NR1I2: variants seen among roughly 807,000 people sequenced by gnomAD.
NR1I2 encodes the protein nuclear receptor subfamily 1 group I member 2, also known as orphan nuclear receptor PAR1.
Under a neutral mutation model 43.3 loss-of-function variants are expected in NR1I2, and 42 were observed. The observed-to-expected ratio is 0.97, with a 90% CI of 0.76 to 1.26. The LOEUF is 1.26. NR1I2 is among the 50% of genes most tolerant of loss of function. The pLI, the probability that NR1I2 is intolerant of heterozygous loss-of-function variation, is 0.00. For synonymous variants in NR1I2, 229 were observed against 215.0 expected, an observed-to-expected ratio of 1.06 and a Z score of -0.57; for missense variants, 559 against 566.7, an observed-to-expected ratio of 0.99 and a Z score of 0.14.
rs1063955 is a variant in NR1I2, at chr3:119,807,284, G to A, written c.34G>A (p.Ala12Thr). Reference sequence around the variant, plus strand: ...GAGACCCAAAGAAAGCTGGAACCATGCTGACTTTGTACACTGTGAGGACAC... The same window carrying A: ...GAGACCCAAAGAAAGCTGGAACCATACTGACTTTGTACACTGTGAGGACAC... The change falls in exon 2 of 9, where the codon GCT (alanine) becomes ACT (threonine). Residue 12 changes from alanine to threonine, a missense_variant. Transcript: ENST00000393716. 6.2e-7 allele frequency: 1 copy of A among 1,614,088 alleles called. No homozygotes were observed. Among genetic ancestry groups the A allele is most frequent in the Non-Finnish European group, 8.5e-7 (1 of 1,180,046 alleles).
intron 1 of NR1I2, among the ~76,000 whole-genome samples, chr3:119,806,305 G>A (rs941996382): frequency 6.6e-6 from 1 of 152,058 alleles, no homozygotes; most frequent in Non-Finnish European, 1.5e-5. Flanking sequence ...TTCTTTTAGA[G>A]ATGAGGTCTC....
intron 1 of NR1I2, among the ~76,000 whole-genome samples, chr3:119,805,913 T>C (rs2055153217): frequency 6.6e-6 from 1 of 152,116 alleles, no homozygotes; most frequent in African/African-American, 2.4e-5. Flanking sequence ...TTTTCCCCTG[T>C]GCCTGTTCAG....
chr3:119,805,617 C>T (rs986201858), intron 1 of NR1I2, among the ~76,000 whole-genome samples: 3 of 151,282 alleles, frequency 2.0e-5, no homozygotes, highest in Admixed American at 6.6e-5. Context: ...GCAGGAGAAT[C>T]GCTTGAGCCC....
At chr3:119,798,286 T>C (rs905692907) in intron 1 of NR1I2, among the ~76,000 whole-genome samples, 4 of 152,310 alleles carry the variant, frequency 2.6e-5, no homozygotes, top group Middle Eastern at 3.4e-3. Context: ...TCACTGTCTG[T>C]TGCTGATTCA....
At chr3:119,816,295 G>A (rs2055327312) in intron 8 of NR1I2, among the ~76,000 whole-genome samples, 1 of 152,130 alleles carries the variant, frequency 6.6e-6, no homozygotes, top group South Asian at 2.1e-4. Context: ...GCAGGAGGCT[G>A]GAAGTGCCAA....
At position 119,817,551 on chromosome 3, in the gene NR1I2, A is replaced by G; in HGVS notation, c.*339A>G. On this transcript the variant is annotated 3_prime_UTR_variant, in exon 9 of 9. Transcript: ENST00000393716. Reference sequence around the variant, plus strand: ...ATCCCTCAGATCCCACTAAAGTGTCAAGGTGTGGAAGGGACCAAGCGACCA... The same window carrying G: ...ATCCCTCAGATCCCACTAAAGTGTCGAGGTGTGGAAGGGACCAAGCGACCA... The G allele has an allele frequency of 8.3e-7, 1 of 1,202,756 alleles. No individual in the cohort carries two copies. The highest frequency in any genetic ancestry group is 1.7e-5 in the South Asian group (1 of 58,672). The allele number at this position is 1,202,756 out of a possible 1,614,324, so 74.5% of individuals were successfully genotyped here.
intron 1 of NR1I2, among the ~76,000 whole-genome samples, chr3:119,805,717 C>CCCAAA (rs561350711): frequency 1.3e-4 from 13 of 96,616 alleles, no homozygotes; most frequent in Non-Finnish European, 1.6e-4. Flanking sequence ...TCCCCCCCAC[C>CCCAAA]AAAAAAAAAA....
intron 8 of NR1I2, 134 bp from the exon 9 acceptor site, chr3:119,816,934 G>A (rs1260735675): frequency 2.3e-5 from 26 of 1,147,480 alleles, no homozygotes; most frequent in South Asian, 3.9e-5. Context: ...AGAAGCTTAC[G>A]GAATTCAGCC....
At chr3:119,814,795 G>A (rs745355481) in intron 5 of NR1I2, among the ~76,000 whole-genome samples, 184 bp from the exon 6 acceptor site, 1 of 152,168 alleles carries the variant, frequency 6.6e-6, no homozygotes, top group African/African-American at 2.4e-5. Context: ...GGGCAGAGCT[G>A]TCTGCTGGGT....
chr3:119,787,542 A>G (rs1245204630), intron 1 of NR1I2, among the ~76,000 whole-genome samples: 1 of 152,078 alleles, frequency 6.6e-6, no homozygotes, highest in Non-Finnish European at 1.5e-5. Flanking sequence ...TCACTGAACA[A>G]CGTCAATGGT....
In NR1I2 at chr3:119,810,214, G is replaced by C. The variant is rs2055219921; in HGVS notation, c.331+20G>C. On this transcript the variant is annotated intron_variant, in intron 3 of 8. Coordinates refer to ENST00000393716, the MANE Select transcript of NR1I2 (RefSeq NM_003889.4). ...AGGAGAGTGAGCAGTGGGCGCGCGGGCGGGCCGGCGCCGGGGTGCACGGCT... is the reference window on the plus strand; with the variant it reads ...AGGAGAGTGAGCAGTGGGCGCGCGGCCGGGCCGGCGCCGGGGTGCACGGCT... 1 of 1,577,562 alleles carries C rather than the reference G, an allele frequency of 6.3e-7. No individual in the cohort carries two copies. The highest frequency in any genetic ancestry group is 1.4e-5 in the African/African-American group (1 of 73,936).
At chr3:119,798,744 C>T (rs1361353867) in intron 1 of NR1I2, among the ~76,000 whole-genome samples, 1 of 152,156 alleles carries the variant, frequency 6.6e-6, no homozygotes, top group Non-Finnish European at 1.5e-5. Context: ...AATCTACTTT[C>T]TCTATGGATT....
intron 1 of NR1I2, among the ~76,000 whole-genome samples, chr3:119,803,190 A>C (rs2055103791): frequency 6.6e-6 from 1 of 150,704 alleles, no homozygotes. Context: ...AAAAAAAAGT[A>C]GCTGGGTATG....
chr3:119,811,774 C>T (rs1457119384), intron 4 of NR1I2, 48 bp downstream of exon 4: 1 of 1,527,626 alleles, frequency 6.5e-7, no homozygotes. Flanking sequence ...CATCTTCATT[C>T]TCACATAGAA....
At chr3:119,788,591 C>T (rs939918108) in intron 1 of NR1I2, among the ~76,000 whole-genome samples, 2 of 152,020 alleles carry the variant, frequency 1.3e-5, no homozygotes, top group African/African-American at 4.8e-5. Context: ...GCACATGTCA[C>T]CACACTTGGC....
At chr3:119,787,420 G>A (rs1389171015) in intron 1 of NR1I2, among the ~76,000 whole-genome samples, 2 of 152,086 alleles carry the variant, frequency 1.3e-5, no homozygotes, top group African/African-American at 2.4e-5. Context: ...CTTGGGATAA[G>A]CCCTGCCCTG....
chr3:119,803,508 G>C (rs889462020), intron 1 of NR1I2, among the ~76,000 whole-genome samples: 5 of 152,008 alleles, frequency 3.3e-5, no homozygotes, highest in African/African-American at 1.2e-4. Flanking sequence ...CTTAATCTTG[G>C]ACTTCTCAGC....
intron 3 of NR1I2, chr3:119,810,644 T>A (rs530310557): frequency 5.5e-6 from 1 of 182,766 alleles, no homozygotes; most frequent in Admixed American, 5.4e-5. Flanking sequence ...ATAGGGGAAC[T>A]GTTTGCAGAC....
intron 3 of NR1I2, chr3:119,810,439 A>G: frequency 1.7e-6 from 1 of 584,926 alleles, no homozygotes; most frequent in Admixed American, 3.1e-5. Flanking sequence ...AGCCCTGGAC[A>G]GGGCGTGCCC....
Sources: allele counts gnomAD v4.1 joint callset (sites outside exome capture counted in the v4.1 genomes callset), GRCh38; gene constraint gnomAD v4.1.1; transcripts MANE v1.5; gene names NCBI Gene and HGNC (gene_info 2026-07-23, HGNC 2026-07-21).